The following KIAA0586 variants were observed in gnomAD, a reference collection of about 807,000 sequenced individuals.
KIAA0586 encodes protein TALPID3.
Under a neutral mutation model 169.8 loss-of-function variants are expected in KIAA0586, and 144 were observed. The ratio of observed to expected loss-of-function variants is 0.85; its 90% CI spans 0.74 to 0.97. The LOEUF is 0.97. KIAA0586 is among the 50% of genes least tolerant of loss of function. KIAA0586 has a pLI of 0.00. For missense variants in KIAA0586, 1,854 were observed against 1,823.0 expected, an observed-to-expected ratio of 1.02 and a Z score of -0.31; for synonymous variants, 625 against 612.4, an observed-to-expected ratio of 1.02 and a Z score of -0.30.
chr14:58,506,354 A>G (rs1462006273), intron 27 of KIAA0586, among the ~76,000 whole-genome samples: 1 of 152,196 alleles, frequency 6.6e-6, no homozygotes. Flanking sequence ...AAATTGTTTT[A>G]TACAGATTTA....
intron 29 of KIAA0586, chr14:58,521,514 T>C: frequency 1.3e-6 from 1 of 770,606 alleles, no homozygotes; most frequent in Non-Finnish European, 2.4e-6. Flanking sequence ...CACATGTTCC[T>C]CCTCCTCCTA....
rs979934161 is a variant in KIAA0586, at chr14:58,446,548, CAT to C, written c.808-1787_808-1786del. Among the ~76,000 whole-genome samples the C allele has an allele frequency of 3.3e-5, 5 of 151,870 alleles. 1 individual carries two copies. The highest frequency in any genetic ancestry group is 1.5e-5 in the Non-Finnish European group (1 of 67,936). On this transcript the variant is annotated intron_variant, in intron 6 of 30. Transcript: ENST00000652326. ...GTGTGTGTGTATATATATACACACA[CAT>C]ATATGTATATATCTATAACTTAATG...
At chr14:58,446,364 G>A (rs1748968) in intron 6 of KIAA0586, among the ~76,000 whole-genome samples, 147,950 of 151,364 alleles carry the variant, frequency 0.98, 72,391 homozygotes, top group Non-Finnish European at 1. Flanking sequence ...GGGCATGGTG[G>A]CACATGCCTG....
rs374242999 is a variant in KIAA0586 at position 58,451,832 on chromosome 14, C to T, written c.1129+1086C>T. Among the ~76,000 whole-genome samples the T allele has an allele frequency of 7.2e-5, 11 of 152,072 alleles. No individual in the cohort carries two copies. In the East Asian group the frequency reaches 7.8e-4, roughly 11 times the overall value. ...CCGAGTAGCTGGGACTACAGGCGCC[C>T]GCCACCACGCCTGGCTAATTTTTTG... On this transcript the variant is annotated intron_variant, in intron 8 of 30. Coordinates refer to ENST00000652326, the MANE Select transcript of KIAA0586 (RefSeq NM_001329943.3).
chr14:58,480,346 T>TAA (rs35326005), intron 20 of KIAA0586, among the ~76,000 whole-genome samples: 1 of 146,244 alleles, frequency 6.8e-6, no homozygotes, highest in African/African-American at 2.5e-5. Context: ...CTTCCTCTTT[T>TAA]AAAAAAAAAA....
intron 3 of KIAA0586, among the ~76,000 whole-genome samples, chr14:58,431,270 AT>A (rs946308712): frequency 4.0e-5 from 6 of 150,606 alleles, no homozygotes; most frequent in African/African-American, 9.7e-5. Flanking sequence ...ATGTTTATAA[AT>A]TTTTTTTTTG....
At chr14:58,482,786 ATTGT>A in intron 21 of KIAA0586, 74 bp downstream of exon 21, 1 of 999,776 alleles carries the variant, frequency 1.0e-6, no homozygotes, top group Non-Finnish European at 1.4e-6. Context: ...CCATAAGATC[ATTGT>A]TTGTGGTAGA....
intron 30 of KIAA0586, among the ~76,000 whole-genome samples, chr14:58,542,418 A>C (rs1455933343): frequency 6.6e-6 from 1 of 152,036 alleles, no homozygotes; most frequent in Non-Finnish European, 1.5e-5. Flanking sequence ...TGGAGGTTGC[A>C]GTGAGCCAAG....
At chr14:58,560,532 C>T in the KIAA0586 span, among the ~76,000 whole-genome samples, 8 of 152,126 alleles carry the variant, frequency 5.3e-5, no homozygotes, top group Non-Finnish European at 1.2e-4. Context: ...GTGTTAAATG[C>T]GAGGTGTCCT....
At chr14:58,450,517 A>G (rs1225352191) in intron 7 of KIAA0586, 62 bp from the exon 8 acceptor site, 1 of 905,610 alleles carries the variant, frequency 1.1e-6, no homozygotes, top group Non-Finnish European at 1.8e-6. Context: ...CAAGAGTAAT[A>G]TGCTATAATT....
intron 20 of KIAA0586, among the ~76,000 whole-genome samples, chr14:58,479,149 T>C (rs1393517701): frequency 2.0e-5 from 3 of 152,224 alleles, no homozygotes; most frequent in Non-Finnish European, 2.9e-5. Flanking sequence ...CAGCAGTGTA[T>C]GTGACTTTAG....
chr14:58,446,582 T>C (rs1327437000), intron 6 of KIAA0586, among the ~76,000 whole-genome samples: 1 of 152,142 alleles, frequency 6.6e-6, no homozygotes, highest in Non-Finnish European at 1.5e-5. Context: ...AATGACTTTC[T>C]AAATTATATA....
rs749825699 is a variant in KIAA0586, at chr14:58,461,116, C to G, written c.2015C>G (p.Pro672Arg). 4.8e-5 allele frequency: 77 copies of G among 1,609,810 alleles called. No homozygotes were observed. Among genetic ancestry groups the G allele is most frequent in the Non-Finnish European group, 6.3e-5 (74 of 1,178,174 alleles). Residue 672 changes from proline to arginine, a missense_variant, in exon 14 of 31, where the codon CCT becomes CGT. Coordinates refer to ENST00000652326, the MANE Select transcript of KIAA0586 (RefSeq NM_001329943.3). Reference sequence around the variant, plus strand: ...TATCTCAGATTTAATTCTCCATCTCCTAAGTCCAGACCACAGAGACCAAAA... The same window carrying G: ...TATCTCAGATTTAATTCTCCATCTCGTAAGTCCAGACCACAGAGACCAAAA... ...GPYLRFNSPS[P>R]KSRPQRPKVI...
At chr14:58,468,801 G>C (rs1036313853) in intron 16 of KIAA0586, among the ~76,000 whole-genome samples, 7 of 152,162 alleles carry the variant, frequency 4.6e-5, no homozygotes, top group African/African-American at 1.7e-4. Flanking sequence ...TCCAACTCCT[G>C]TATTCGTCTT....
chr14:58,522,435 A>G (rs2045292782), intron 29 of KIAA0586, among the ~76,000 whole-genome samples: 1 of 152,198 alleles, frequency 6.6e-6, no homozygotes, highest in Non-Finnish European at 1.5e-5. Context: ...ACACCCCCAC[A>G]TTAGTGTGCT....
intron 20 of KIAA0586, among the ~76,000 whole-genome samples, chr14:58,482,106 C>T (rs1201209710): frequency 6.6e-6 from 1 of 151,682 alleles, no homozygotes; most frequent in Non-Finnish European, 1.5e-5. Context: ...GCCACCGTGC[C>T]CGGCCGGCAT....
chr14:58,467,601 G>C, intron 15 of KIAA0586, 134 bp from the exon 16 acceptor site: 1 of 645,678 alleles, frequency 1.5e-6, no homozygotes, highest in Non-Finnish European at 2.7e-6. Flanking sequence ...CAGTGCTGAT[G>C]ATGGAGGGAG....
intron 6 of KIAA0586, 69 bp from the exon 7 acceptor site, chr14:58,448,271 C>A: frequency 1.0e-6 from 1 of 987,322 alleles, no homozygotes; most frequent in South Asian, 1.8e-5. Context: ...TCTAATATTT[C>A]AATGTATTTT....
chr14:58,452,711 T>C (rs1006365236), intron 8 of KIAA0586, among the ~76,000 whole-genome samples: 1 of 152,152 alleles, frequency 6.6e-6, no homozygotes, highest in Admixed American at 6.5e-5. Flanking sequence ...TGTATTTTTT[T>C]GTAGAGACAG....
Sources: gnomAD v4.1 joint callset for allele counts (sites outside exome capture counted in the v4.1 genomes callset) on GRCh38, gnomAD v4.1.1 for gene constraint, MANE v1.5 for transcripts, NCBI Gene and HGNC (gene_info 2026-07-23, HGNC 2026-07-21) for gene names.